CNTNAP2: variants seen among roughly 807,000 people sequenced by gnomAD.
CNTNAP2 encodes contactin associated protein 2.
In CNTNAP2, 98 loss-of-function variants were observed where a neutral mutation model predicts 155.2. The observed-to-expected ratio is 0.63, with a 90% CI of 0.54 to 0.75. CNTNAP2 has a LOEUF of 0.75. Ranked by LOEUF, CNTNAP2 falls within the 30% of genes least tolerant of loss-of-function variation. The probability of loss-of-function intolerance (pLI) is 0.00; values close to 1 mark genes in which losing one functional copy is unlikely to be tolerated. For synonymous variants in CNTNAP2, 651 were observed against 631.2 expected (o/e 1.03, Z -0.47); for missense variants, 1,727 against 1,688.1 (o/e 1.02, Z -0.40).
chr7:148,063,820 A>G (rs1457434588), intron 15 of CNTNAP2, among the ~76,000 whole-genome samples: 1 of 152,030 alleles, frequency 6.6e-6, no homozygotes, highest in Non-Finnish European at 1.5e-5. Flanking sequence ...AATGTCTAGA[A>G]GGGTTTTTCT....
At chr7:146,903,382 T>C (rs1247449464) in intron 3 of CNTNAP2, among the ~76,000 whole-genome samples, 1 of 152,192 alleles carries the variant, frequency 6.6e-6, no homozygotes, top group Non-Finnish European at 1.5e-5. Context: ...GCAAATTGCA[T>C]ACTCAATAAT....
chr7:148,118,400 TC>T, intron 16 of CNTNAP2, 112 bp downstream of exon 16: 1 of 1,214,098 alleles, frequency 8.2e-7, no homozygotes, highest in Non-Finnish European at 1.2e-6. Flanking sequence ...TTTCCTTTGT[TC>T]CAGGAGCAGG....
intron 3 of CNTNAP2, among the ~76,000 whole-genome samples, chr7:146,840,963 A>C (rs1033781869): frequency 1.3e-5 from 2 of 152,244 alleles, no homozygotes; most frequent in Non-Finnish European, 2.9e-5. Context: ...TGTATAAGTT[A>C]CGGAAAGCAA....
intron 21 of CNTNAP2, among the ~76,000 whole-genome samples, chr7:148,344,279 C>T (rs113207424): frequency 1.6e-4 from 25 of 151,990 alleles, no homozygotes; most frequent in African/African-American, 5.8e-4. Flanking sequence ...AGAGCAAAAC[C>T]GAGTCAAAAA....
chr7:147,080,168 A>T (rs1800093129), intron 4 of CNTNAP2, among the ~76,000 whole-genome samples: 1 of 152,102 alleles, frequency 6.6e-6, no homozygotes, highest in African/African-American at 2.4e-5. Flanking sequence ...TATAAACTTG[A>T]TCCTTTGGAT....
At chr7:146,665,788 A>AAAAAAAAAACAAAAAAAAAAAAAAAAC (rs1563179417) in intron 1 of CNTNAP2, among the ~76,000 whole-genome samples, 1 of 142,038 alleles carries the variant, frequency 7.0e-6, no homozygotes, top group African/African-American at 2.7e-5. Flanking sequence ...CTCATTAAAA[A>AAAAAAAAAACAAAAAAAAAAAAAAAAC]AAAAAAAAAA....
At chr7:147,795,760 A>G (rs562676275) in intron 13 of CNTNAP2, among the ~76,000 whole-genome samples, 2 of 152,278 alleles carry the variant, frequency 1.3e-5, no homozygotes, top group South Asian at 2.1e-4. Context: ...TAGTTGAATG[A>G]TCATGGAATA....
chr7:146,918,924 C>T (rs1015632776), intron 3 of CNTNAP2, among the ~76,000 whole-genome samples: 1 of 152,132 alleles, frequency 6.6e-6, no homozygotes, highest in Non-Finnish European at 1.5e-5. Flanking sequence ...AATTCAAAAG[C>T]CTTGTCTTTG....
chr7:146,217,578 G>A (rs1799133785), intron 1 of CNTNAP2, among the ~76,000 whole-genome samples: 1 of 151,978 alleles, frequency 6.6e-6, no homozygotes, highest in African/African-American at 2.4e-5. Context: ...TAAGAGTCAG[G>A]AATCAAACCC....
At chr7:147,060,363 G>A (rs1355074196) in intron 4 of CNTNAP2, among the ~76,000 whole-genome samples, 1 of 152,144 alleles carries the variant, frequency 6.6e-6, no homozygotes, top group Non-Finnish European at 1.5e-5. Flanking sequence ...TATGTATTAG[G>A]TGAAGAAAAG....
chr7:147,026,518 T>C (rs1244602776), intron 3 of CNTNAP2, among the ~76,000 whole-genome samples: 1 of 152,088 alleles, frequency 6.6e-6, no homozygotes, highest in African/African-American at 2.4e-5. Context: ...GTTTCCTTCA[T>C]ATTTATAATA....
At chr7:146,711,557 T>A (rs1395856351) in intron 1 of CNTNAP2, among the ~76,000 whole-genome samples, 1 of 149,406 alleles carries the variant, frequency 6.7e-6, no homozygotes, top group Non-Finnish European at 1.5e-5. Flanking sequence ...AGACTGACCC[T>A]AGAAACACCA....
chr7:146,933,022 T>A (rs1796813650), intron 3 of CNTNAP2, among the ~76,000 whole-genome samples: 1 of 152,082 alleles, frequency 6.6e-6, no homozygotes, highest in Admixed American at 6.5e-5. Flanking sequence ...CCAAGGTAAT[T>A]TATAGATTCA....
At chr7:146,605,903 A>G (rs912051151) in intron 1 of CNTNAP2, among the ~76,000 whole-genome samples, 1 of 152,176 alleles carries the variant, frequency 6.6e-6, no homozygotes, top group Non-Finnish European at 1.5e-5. Flanking sequence ...GGAATTTAGT[A>G]TAGTGCTCAA....
intron 2 of CNTNAP2, among the ~76,000 whole-genome samples, chr7:146,803,376 G>T (rs1458554404): frequency 6.6e-6 from 1 of 152,158 alleles, no homozygotes; most frequent in Admixed American, 6.6e-5. Flanking sequence ...AAGCATAGTT[G>T]CAAGAACACA....
chr7:146,808,908 G>A (rs188370295), intron 2 of CNTNAP2, among the ~76,000 whole-genome samples: 4 of 152,256 alleles, frequency 2.6e-5, no homozygotes, highest in East Asian at 1.9e-4. Flanking sequence ...ATTACAGTGC[G>A]TGTGAATGTG....
rs528924428 is a variant in CNTNAP2, at chr7:147,649,739, C to T, written c.2098+10433C>T. Among the ~76,000 whole-genome samples, 65 of 151,934 alleles carry T rather than the reference C, an allele frequency of 4.3e-4. 1 individual carries two copies. The South Asian group carries it at 0.011, about 25-fold the overall frequency. On this transcript the variant is annotated intron_variant, in intron 13 of 23. Coordinates refer to ENST00000361727, the MANE Select transcript of CNTNAP2 (RefSeq NM_014141.6). Reference sequence around the variant, plus strand: ...ATAAAAGATTGTAAAAATGAAGAAACGGCTATTATCCAATTCAAAAAATTA... The same window carrying T: ...ATAAAAGATTGTAAAAATGAAGAAATGGCTATTATCCAATTCAAAAAATTA...
chr7:147,907,116 G>T (rs796728527), intron 14 of CNTNAP2, among the ~76,000 whole-genome samples: 29 of 152,092 alleles, frequency 1.9e-4, no homozygotes, highest in African/African-American at 6.5e-4. Flanking sequence ...GAGTGCAGTG[G>T]CATGATCTCA....
chr7:146,234,217 T>C (rs992525804), intron 1 of CNTNAP2, among the ~76,000 whole-genome samples: 28 of 152,110 alleles, frequency 1.8e-4, no homozygotes, highest in African/African-American at 6.8e-4. Context: ...TGATGGCCAG[T>C]GATGGTGAGC....
Sources: allele counts gnomAD v4.1 joint callset (sites outside exome capture counted in the v4.1 genomes callset), GRCh38; gene constraint gnomAD v4.1.1; transcripts MANE v1.5; gene names NCBI Gene and HGNC (gene_info 2026-07-23, HGNC 2026-07-21).